Variants in SVBP observed in about 807,000 individuals in gnomAD.
SVBP encodes the protein small vasohibin-binding protein.
SVBP carries 9 observed loss-of-function variants against 9.2 expected under a neutral mutation model. The observed-to-expected ratio is 0.98, with a 90% CI of 0.59 to 1.71. SVBP has a LOEUF of 1.71. Among genes scored for constraint, SVBP ranks in the 40% most tolerant of loss-of-function variants. The pLI is 0.00. For synonymous variants in SVBP, 27 were observed against 23.9 expected (o/e 1.13, Z -0.37); for missense variants, 63 against 73.2 (o/e 0.86, Z 0.51).
At chr1:42,808,149 GTA>G (rs781743959) in intron 2 of SVBP, among the ~76,000 whole-genome samples, 1,842 of 58,210 alleles carry the variant, frequency 0.032, 47 homozygotes, top group Middle Eastern at 0.17. Context: ...GTGTGTGTGT[GTA>G]TATATATATA....
At chr1:42,811,788 G>C (rs1570516386) in intron 2 of SVBP, among the ~76,000 whole-genome samples, 1 of 152,166 alleles carries the variant, frequency 6.6e-6, no homozygotes, top group African/African-American at 2.4e-5. Flanking sequence ...GGGATTTATG[G>C]AGGAGCTGAG....
At chr1:42,810,526 T>C (rs944101778) in intron 2 of SVBP, among the ~76,000 whole-genome samples, 1 of 152,112 alleles carries the variant, frequency 6.6e-6, no homozygotes, top group Admixed American at 6.5e-5. Context: ...ATCTGCACAT[T>C]ACTGTACTAG....
At chr1:42,812,641 A>G (rs1557599024) in intron 2 of SVBP, among the ~76,000 whole-genome samples, 1 of 152,224 alleles carries the variant, frequency 6.6e-6, no homozygotes, top group Non-Finnish European at 1.5e-5. Context: ...AATTTATTTG[A>G]TTAGTTTATC....
At chr1:42,811,316 C>T (rs1261749325) in intron 2 of SVBP, among the ~76,000 whole-genome samples, 1 of 152,224 alleles carries the variant, frequency 6.6e-6, no homozygotes, top group Non-Finnish European at 1.5e-5. Flanking sequence ...CTGCCTACCT[C>T]ACAAGGCCAT....
Position 42,810,685 on chromosome 1 carries a change from A to G in SVBP, c.115-3185T>C, listed in dbSNP as rs1176065509. On this transcript the variant is annotated intron_variant, in intron 2 of 2. Coordinates refer to ENST00000372521, the MANE Select transcript of SVBP (RefSeq NM_199342.4). ...AAGGAAACGGACCCTAGCAGTGTCA[A>G]ACGGTGCTTCCACTGCCAATGTGCC... 2.6e-5 allele frequency among the ~76,000 whole-genome samples: 4 copies of G among 152,092 alleles called. No homozygotes were observed. The South Asian group carries it at 6.2e-4, about 24-fold the overall frequency.
At chr1:42,815,814 T>C (rs1454445509) in intron 2 of SVBP, among the ~76,000 whole-genome samples, 2 of 152,114 alleles carry the variant, frequency 1.3e-5, no homozygotes, top group African/African-American at 4.8e-5. Context: ...AAAAAAGTAG[T>C]TGTCCATGGA....
intron 2 of SVBP, among the ~76,000 whole-genome samples, chr1:42,812,672 T>C (rs1654106367): frequency 6.6e-6 from 1 of 152,236 alleles, no homozygotes; most frequent in African/African-American, 2.4e-5. Context: ...TTACACATTA[T>C]TGAAGACAAC....
chr1:42,810,103 CACACACACACACATACATACAT>C (rs1219319488), intron 2 of SVBP, among the ~76,000 whole-genome samples: 2 of 141,394 alleles, frequency 1.4e-5, no homozygotes, highest in African/African-American at 3.0e-5. Context: ...TTAACACACA[CACACACACACACATACATACAT>C]ACACACACAC....
intron 1 of SVBP, 25 bp downstream of exon 1, chr1:42,817,165 G>C (rs546105694): frequency 8.3e-7 from 1 of 1,205,546 alleles, no homozygotes; most frequent in South Asian, 1.4e-5. Context: ...TGGAGCCGCC[G>C]ACCAAGAGGC....
chr1:42,808,147 G>GTATATATA (rs1475249020), intron 2 of SVBP, among the ~76,000 whole-genome samples: 44 of 53,896 alleles, frequency 8.2e-4, no homozygotes, highest in African/African-American at 3.3e-3. Flanking sequence ...GTGTGTGTGT[G>GTATATATA]TGTATATATA....
At chr1:42,808,714 TCAGA>T (rs1037573325) in intron 2 of SVBP, among the ~76,000 whole-genome samples, 17 of 151,912 alleles carry the variant, frequency 1.1e-4, no homozygotes, top group African/African-American at 3.4e-4. Flanking sequence ...TATATATATT[TCAGA>T]CAGAGTCTTG....
chr1:42,817,125 T>C lies in SVBP; in HGVS notation c.-37+65A>G, dbSNP rs553997176. On this transcript the variant is annotated intron_variant, in intron 1 of 2. Transcript: ENST00000372521. ...GGGACGGCCCCCGCCTCCTGCCCTCTTCCCTCTCCTGGAGGAAAATGGCGG... is the reference window on the plus strand; with the variant it reads ...GGGACGGCCCCCGCCTCCTGCCCTCCTCCCTCTCCTGGAGGAAAATGGCGG... 4.1e-5 allele frequency: 47 copies of C among 1,137,236 alleles called. 1 individual carries two copies. In the Middle Eastern group the frequency reaches 1.2e-3, roughly 29 times the overall value. 70.4% of individuals were successfully genotyped at this position (1,137,236 alleles called of 1,614,324 possible). A position where few individuals can be genotyped will look rare whatever the true frequency, so the allele number is the denominator to read the frequency against.
chr1:42,809,510 A>G (rs982030406), intron 2 of SVBP, among the ~76,000 whole-genome samples: 2 of 152,246 alleles, frequency 1.3e-5, no homozygotes, highest in Non-Finnish European at 2.9e-5. Flanking sequence ...ATTAGGAACT[A>G]GAAAGAAGAC....
intron 2 of SVBP, among the ~76,000 whole-genome samples, chr1:42,807,781 G>A (rs1306985766): frequency 1.3e-5 from 2 of 151,952 alleles, no homozygotes; most frequent in Non-Finnish European, 2.9e-5. Flanking sequence ...TGAGATTGAG[G>A]AACCAGTGAA....
At position 42,807,176 on chromosome 1, in the gene SVBP, A is replaced by ATTTTTTTTTT; in HGVS notation, c.*237_*238insAAAAAAAAAA. 1 of 305,872 alleles carries ATTTTTTTTTT rather than the reference A, an allele frequency of 3.3e-6. No homozygotes were observed. The allele number at this position is 305,872 out of a possible 1,614,324, so 18.9% of individuals were successfully genotyped here. A position where few individuals can be genotyped will look rare whatever the true frequency, so the allele number is the denominator to read the frequency against. ...GTGTTTTTTTTTTTTTTTTAAAAAA[A>ATTTTTTTTTT]CCCAAAAAACAAAACCACTGTCTTA... On this transcript the variant is annotated 3_prime_UTR_variant, in exon 3 of 3. Transcript: ENST00000372521.
At chr1:42,816,031 T>C (rs1654196559) in intron 2 of SVBP, among the ~76,000 whole-genome samples, 1 of 152,250 alleles carries the variant, frequency 6.6e-6, no homozygotes, top group African/African-American at 2.4e-5. Context: ...AGGAACACAC[T>C]GGTGAGTTTA....
Position 42,816,549 on chromosome 1 carries a change from T to C in SVBP, c.-5A>G. 1 of 1,599,338 alleles carries C rather than the reference T, an allele frequency of 6.3e-7. No individual in the cohort carries two copies. Among genetic ancestry groups the C allele is most frequent in the Non-Finnish European group, 8.6e-7 (1 of 1,166,610 alleles). On this transcript the variant is annotated 5_prime_UTR_variant, in exon 2 of 3. Coordinates refer to ENST00000372521, the MANE Select transcript of SVBP (RefSeq NM_199342.4). ...TTTACGTGCAGGTGGATCCATGGCTTGACTTCTGGATATTTCTTAGGAGGC... is the reference window on the plus strand; with the variant it reads ...TTTACGTGCAGGTGGATCCATGGCTCGACTTCTGGATATTTCTTAGGAGGC...
intron 2 of SVBP, among the ~76,000 whole-genome samples, chr1:42,813,027 A>G (rs1342958832): frequency 6.6e-6 from 1 of 152,224 alleles, no homozygotes; most frequent in African/African-American, 2.4e-5. Context: ...AAAAAAAATC[A>G]TGCCTAGTCA....
Position 42,807,459 on chromosome 1 carries a change from C to G in SVBP, c.156G>C (p.Gln52His). 6.2e-7 allele frequency: 1 copy of G among 1,614,076 alleles called. No homozygotes were observed. The highest frequency in any genetic ancestry group is 8.5e-7 in the Non-Finnish European group (1 of 1,179,956). The change falls in exon 3 of 3, where the codon CAG becomes CAC. Residue 52 changes from glutamine to histidine, a missense_variant. Coordinates refer to ENST00000372521, the MANE Select transcript of SVBP (RefSeq NM_199342.4). Reference protein sequence around the residue: ...LNRVMTELEQQQFDEFCKQMQ... With the variant: ...LNRVMTELEQHQFDEFCKQMQ... ...TCTGTTTACAGAACTCATCAAACTGCTGCTGCTCCAGTTCTGTCATGACTC... is the reference window on the plus strand; with the variant it reads ...TCTGTTTACAGAACTCATCAAACTGGTGCTGCTCCAGTTCTGTCATGACTC...
Sources: allele counts gnomAD v4.1 joint callset (sites outside exome capture counted in the v4.1 genomes callset), GRCh38; gene constraint gnomAD v4.1.1; transcripts MANE v1.5; gene names NCBI Gene and HGNC (gene_info 2026-07-23, HGNC 2026-07-21).